The following ENTPD1 variants were observed in gnomAD, a reference collection of about 807,000 sequenced individuals.
The protein encoded by ENTPD1 is ectonucleoside triphosphate diphosphohydrolase 1.
A neutral mutation model predicts 57.0 loss-of-function variants in ENTPD1; 33 were observed. The observed-to-expected ratio is 0.58, with a 90% CI of 0.44 to 0.77. The LOEUF (loss-of-function observed/expected upper bound fraction) is 0.77. ENTPD1 is among the 30% of genes least tolerant of loss of function. ENTPD1 has a pLI of 0.00. For synonymous variants in ENTPD1, 202 were observed against 218.8 expected (o/e 0.92, Z 0.68); for missense variants, 501 against 603.4 (o/e 0.83, Z 1.78).
At position 95,873,331 on chromosome 10, in the gene ENTPD1, A is replaced by G; in HGVS notation, c.*6948A>G. ...CAAAGCTCACTCCTCTTATACAACAATCCAAGTGTTTCTTTTGTCAGTTGT... is the reference window on the plus strand; with the variant it reads ...CAAAGCTCACTCCTCTTATACAACAGTCCAAGTGTTTCTTTTGTCAGTTGT... On this transcript the variant is annotated 3_prime_UTR_variant, in exon 10 of 10. Transcript: ENST00000371205. 1.0e-6 allele frequency: 1 copy of G among 985,444 alleles called. No homozygotes were observed. Among genetic ancestry groups the G allele is most frequent in the Non-Finnish European group, 1.2e-6 (1 of 829,952 alleles). The allele number at this position is 985,444 out of a possible 1,614,324, so 61.0% of individuals were successfully genotyped here. A position where few individuals can be genotyped will look rare whatever the true frequency, so the allele number is the denominator to read the frequency against.
At chr10:95,708,479 T>C (rs1296526629), upstream of ENTPD1, among the ~76,000 whole-genome samples, 2 of 152,244 alleles carry the variant, frequency 1.3e-5, no homozygotes, top group East Asian at 3.8e-4. Context: ...CCCAAAGTGC[T>C]GGGATTACAG....
At chr10:95,739,946 A>G (rs1424309624) in intron 1 of ENTPD1, among the ~76,000 whole-genome samples, 2 of 152,220 alleles carry the variant, frequency 1.3e-5, no homozygotes, top group African/African-American at 4.8e-5. Context: ...GTACATTTCC[A>G]TCAGAGCTCC....
At chr10:95,739,865 A>G (rs2097998521) in intron 1 of ENTPD1, among the ~76,000 whole-genome samples, 1 of 152,236 alleles carries the variant, frequency 6.6e-6, no homozygotes, top group Admixed American at 6.5e-5. Context: ...AAGACTTGAA[A>G]TTACTTCTTG....
intron 2 of ENTPD1, among the ~76,000 whole-genome samples, chr10:95,823,898 T>C (rs1001075390): frequency 2.0e-5 from 3 of 152,242 alleles, no homozygotes; most frequent in Admixed American, 6.5e-5. Context: ...AGAAAACATA[T>C]ACGTGTATCA....
upstream of ENTPD1, among the ~76,000 whole-genome samples, chr10:95,710,511 G>A (rs1296112963): frequency 7.2e-6 from 1 of 138,472 alleles, no homozygotes; most frequent in African/African-American, 2.5e-5. Flanking sequence ...GTGTCTACAT[G>A]TTTAGTAGAA....
intron 2 of ENTPD1, among the ~76,000 whole-genome samples, chr10:95,828,936 C>A (rs192430525): frequency 6.6e-6 from 1 of 152,168 alleles, no homozygotes; most frequent in Admixed American, 6.5e-5. Flanking sequence ...GTCTTGAACT[C>A]CCGACCTCAG....
At chr10:95,738,947 C>T (rs1025532274) in intron 1 of ENTPD1, among the ~76,000 whole-genome samples, 5 of 152,052 alleles carry the variant, frequency 3.3e-5, no homozygotes, top group African/African-American at 9.7e-5. Context: ...AGTTCCAGAC[C>T]ACCACAATAA....
chr10:95,749,094 C>T (rs557015976), intron 1 of ENTPD1, among the ~76,000 whole-genome samples: 1 of 152,238 alleles, frequency 6.6e-6, no homozygotes, highest in South Asian at 2.1e-4. Context: ...TATGTTCATT[C>T]CTTTGTGAGG....
At chr10:95,736,787 C>T (rs1346027652) in intron 1 of ENTPD1, among the ~76,000 whole-genome samples, 1 of 152,090 alleles carries the variant, frequency 6.6e-6, no homozygotes, top group East Asian at 1.9e-4. Context: ...GCTTCCACCC[C>T]CCAACCCTTA....
chr10:95,857,897 T>C (rs531987402), intron 7 of ENTPD1, among the ~76,000 whole-genome samples: 22 of 152,200 alleles, frequency 1.4e-4, no homozygotes, highest in South Asian at 4.1e-4. Flanking sequence ...CGCGGTGGCT[T>C]ACGCCTGTAA....
chr10:95,872,709 C>G lies in ENTPD1; in HGVS notation c.*6326C>G, dbSNP rs1302523069. 2.0e-6 allele frequency: 2 copies of G among 985,304 alleles called. No individual in the cohort carries two copies. Among genetic ancestry groups the G allele is most frequent in the Non-Finnish European group, 2.4e-6 (2 of 829,936 alleles). The allele number at this position is 985,304 out of a possible 1,614,324, so 61.0% of individuals were successfully genotyped here. On this transcript the variant is annotated 3_prime_UTR_variant, in exon 10 of 10. Coordinates refer to ENST00000371205, the MANE Select transcript of ENTPD1 (RefSeq NM_001776.6). Reference sequence around the variant, plus strand: ...TAAGGTAATAGTTCTAGCCAACCTCCCTGTCCACTGCCAGGCCGACTACAA... The same window carrying G: ...TAAGGTAATAGTTCTAGCCAACCTCGCTGTCCACTGCCAGGCCGACTACAA...
At position 95,857,900 on chromosome 10, in the gene ENTPD1, G is replaced by A. The variant is rs545509096; in HGVS notation, c.1075-2569G>A. Among the ~76,000 whole-genome samples, 42 of 152,338 alleles carry A rather than the reference G, an allele frequency of 2.8e-4. No homozygotes were observed. In the South Asian group the frequency reaches 7.2e-3, roughly 26 times the overall value. On this transcript the variant is annotated intron_variant, in intron 7 of 9. Transcript: ENST00000371205. ...GCTGGGGCAGGTCGCGGTGGCTTACGCCTGTAATCCCAGCACTTTGGGAGG... is the reference window on the plus strand; with the variant it reads ...GCTGGGGCAGGTCGCGGTGGCTTACACCTGTAATCCCAGCACTTTGGGAGG...
rs372882297 is a variant in ENTPD1, at chr10:95,869,189, G to GT, written c.*2814dup. ...TTAAAGATTCCTTTATAAGGTGGGA[G>GT]TTTTTTTTCTATGAACCTATAGGGG... On this transcript the variant is annotated 3_prime_UTR_variant, in exon 10 of 10. Transcript: ENST00000371205. The GT allele has an allele frequency of 9.2e-6, 9 of 977,212 alleles. No individual in the cohort carries two copies. Among genetic ancestry groups the GT allele is most frequent in the Admixed American group, 1.3e-4 (2 of 15,610 alleles). The allele number at this position is 977,212 out of a possible 1,614,324, so 60.5% of individuals were successfully genotyped here.
chr10:95,744,787 G>T (rs930084380), intron 1 of ENTPD1, among the ~76,000 whole-genome samples: 1 of 152,092 alleles, frequency 6.6e-6, no homozygotes, highest in Admixed American at 6.5e-5. Flanking sequence ...ATGGGTTAAG[G>T]TTCATTCTTT....
intron 1 of ENTPD1, among the ~76,000 whole-genome samples, chr10:95,802,693 T>C (rs2098255028): frequency 6.6e-6 from 1 of 152,150 alleles, no homozygotes; most frequent in South Asian, 2.1e-4. Flanking sequence ...CACCTATGAG[T>C]GAGAACATGT....
At chr10:95,834,347 G>T (rs2098404420) in intron 2 of ENTPD1, among the ~76,000 whole-genome samples, 1 of 152,046 alleles carries the variant, frequency 6.6e-6, no homozygotes, top group African/African-American at 2.4e-5. Flanking sequence ...ACACCATGTG[G>T]CCAGTACCGT....
intron 1 of ENTPD1, among the ~76,000 whole-genome samples, chr10:95,758,487 C>T (rs938510323): frequency 1.3e-5 from 2 of 152,166 alleles, no homozygotes; most frequent in Admixed American, 6.5e-5. Context: ...TAAGCCTTCT[C>T]TAATCCTTCA....
At chr10:95,802,931 A>T (rs899993591) in intron 1 of ENTPD1, among the ~76,000 whole-genome samples, 2 of 152,132 alleles carry the variant, frequency 1.3e-5, no homozygotes, top group Non-Finnish European at 2.9e-5. Context: ...ATACGTCTTT[A>T]TAGTAGCATG....
chr10:95,870,465 G>A lies in ENTPD1; in HGVS notation c.*4082G>A. On this transcript the variant is annotated 3_prime_UTR_variant, in exon 10 of 10. Transcript: ENST00000371205. ...GTCTAGCTATTTTTTTTTCTGTAGA[G>A]ACAGGGTTTTCCTATGTTGTCCAGG... The A allele has an allele frequency of 3.9e-6, 3 of 769,176 alleles. No individual in the cohort carries two copies. Among genetic ancestry groups the A allele is most frequent in the Non-Finnish European group, 4.7e-6 (3 of 633,114 alleles). 47.6% of individuals were successfully genotyped at this position (769,176 alleles called of 1,614,324 possible). A position where few individuals can be genotyped will look rare whatever the true frequency, so the allele number is the denominator to read the frequency against.
Sources: gnomAD v4.1 joint callset for allele counts (sites outside exome capture counted in the v4.1 genomes callset) on GRCh38, gnomAD v4.1.1 for gene constraint, MANE v1.5 for transcripts, NCBI Gene and HGNC (gene_info 2026-07-23, HGNC 2026-07-21) for gene names.